The following DOCK1 variants were observed in gnomAD, a reference collection of about 807,000 sequenced individuals.
The protein encoded by DOCK1 is dedicator of cytokinesis 1, also known as dedicator of cytokinesis protein 1.
A neutral mutation model predicts 262.7 loss-of-function variants in DOCK1; 138 were observed. The observed-to-expected ratio is 0.53, with a 90% CI of 0.46 to 0.61. DOCK1 has a LOEUF of 0.61. DOCK1 is among the 20% of genes least tolerant of loss of function. DOCK1 has a pLI of 0.00. For missense variants in DOCK1, 1,908 were observed against 2,370.7 expected (o/e 0.80, Z 4.05); for synonymous variants, 866 against 867.4 (o/e 1.00, Z 0.03).
At chr10:127,244,109 A>G (rs1424642694) in intron 27 of DOCK1, among the ~76,000 whole-genome samples, 2 of 152,212 alleles carry the variant, frequency 1.3e-5, no homozygotes, top group Non-Finnish European at 2.9e-5. Flanking sequence ...TTGACTTGCC[A>G]AATAAAAATA....
chr10:126,927,875 A>T (rs1306472343), intron 1 of DOCK1, among the ~76,000 whole-genome samples: 1 of 152,154 alleles, frequency 6.6e-6, no homozygotes, highest in Non-Finnish European at 1.5e-5. Flanking sequence ...GTGGCTGCCT[A>T]GCAGGAAGGA....
intron 29 of DOCK1, among the ~76,000 whole-genome samples, chr10:127,322,076 A>G (rs577224666): frequency 1.3e-5 from 2 of 151,850 alleles, no homozygotes; most frequent in African/African-American, 4.8e-5. Flanking sequence ...GCACTCTAGT[A>G]TGGGAGACAG....
At chr10:127,262,115 G>GGT (rs1335837739) in intron 29 of DOCK1, among the ~76,000 whole-genome samples, 13 of 110,564 alleles carry the variant, frequency 1.2e-4, no homozygotes, top group Admixed American at 2.0e-4. Context: ...TGTGCATGTG[G>GGT]GTGTGTGTGT....
intron 7 of DOCK1, among the ~76,000 whole-genome samples, chr10:126,997,265 T>C (rs968710336): frequency 9.9e-5 from 15 of 152,214 alleles, no homozygotes; most frequent in Admixed American, 7.2e-4. Context: ...TTCTATGATC[T>C]TTAATGGTAT....
At chr10:127,169,307 G>A (rs1300510991) in intron 27 of DOCK1, among the ~76,000 whole-genome samples, 6 of 152,146 alleles carry the variant, frequency 3.9e-5, no homozygotes. Flanking sequence ...CAAAGGCTGG[G>A]CCCGAATTCC....
rs145912365 is a variant in DOCK1 at position 127,208,553 on chromosome 10, T to G, written c.2848-39455T>G. Among the ~76,000 whole-genome samples the G allele has an allele frequency of 7.5e-3, 1,137 of 152,348 alleles. 2 individuals carry two copies. The highest frequency in any genetic ancestry group is 0.014 in the Middle Eastern group (4 of 294). ...AAAATGATTATATATTAGCTTAACA[T>G]GAGTTTTTTCACTAAAATAAAAATC... On this transcript the variant is annotated intron_variant, in intron 27 of 51. Coordinates refer to ENST00000623213, the MANE Select transcript of DOCK1 (RefSeq NM_001290223.2).
chr10:127,348,155 T>A (rs2063729929), intron 31 of DOCK1, among the ~76,000 whole-genome samples: 1 of 151,522 alleles, frequency 6.6e-6, no homozygotes, highest in Non-Finnish European at 1.5e-5. Flanking sequence ...TACCACAAAA[T>A]AAATAACCCC....
At chr10:127,087,841 C>A (rs73374756) in intron 23 of DOCK1, among the ~76,000 whole-genome samples, 1 of 152,142 alleles carries the variant, frequency 6.6e-6, no homozygotes, top group South Asian at 2.1e-4. Context: ...TGGGGACTCT[C>A]ACCCTGGACT....
chr10:127,237,421 T>C (rs1044318728), intron 27 of DOCK1, among the ~76,000 whole-genome samples: 1 of 151,812 alleles, frequency 6.6e-6, no homozygotes, highest in Non-Finnish European at 1.5e-5. Flanking sequence ...GAGGGTGATG[T>C]TGGGATCCAT....
At position 127,375,830 on chromosome 10, in the gene DOCK1, C is replaced by G. The variant is rs141308292; in HGVS notation, c.3675+1616C>G. Among the ~76,000 whole-genome samples, 1,050 of 152,296 alleles carry G rather than the reference C, an allele frequency of 6.9e-3. 11 individuals carry two copies. Among genetic ancestry groups the G allele is most frequent in the Middle Eastern group, 0.027 (8 of 294 alleles). On this transcript the variant is annotated intron_variant, in intron 35 of 51. Coordinates refer to ENST00000623213, the MANE Select transcript of DOCK1 (RefSeq NM_001290223.2). The stretch of plus-strand genomic sequence containing the variant: ...AGAGCTTGCAAATTGTCACTCCTGT[C>G]CTCACAACAAGAAAAAAGCTGAACA...
At chr10:127,268,489 C>A (rs1395344722) in intron 29 of DOCK1, among the ~76,000 whole-genome samples, 1 of 110,764 alleles carries the variant, frequency 9.0e-6, no homozygotes, top group Non-Finnish European at 1.7e-5. Context: ...GGGTGACAGA[C>A]CGAGACTCCA....
chr10:127,127,585 G>C (rs2050042344), intron 26 of DOCK1, 84 bp from the exon 27 acceptor site: 1 of 1,090,450 alleles, frequency 9.2e-7, no homozygotes, highest in African/African-American at 1.5e-5. Context: ...CTCTTTACAG[G>C]GTAAATGGAT....
intron 1 of DOCK1, among the ~76,000 whole-genome samples, chr10:126,931,103 G>A (rs2034153927): frequency 6.6e-6 from 1 of 152,082 alleles, no homozygotes; most frequent in African/African-American, 2.4e-5. Flanking sequence ...ACCGAGCCAG[G>A]TCTCTGACCC....
At chr10:127,429,213 G>C (rs931437971) in intron 47 of DOCK1, among the ~76,000 whole-genome samples, 1 of 152,056 alleles carries the variant, frequency 6.6e-6, no homozygotes, top group Non-Finnish European at 1.5e-5. Context: ...ACCCCGTCTA[G>C]GGGGTGGGAG....
chr10:127,016,674 TACAC>T lies in DOCK1; in HGVS notation c.1202-2028_1202-2025del, dbSNP rs574577199. 534 of 147,310 alleles carry T rather than the reference TACAC, an allele frequency of 3.6e-3. 2 individuals are homozygous for T. Among genetic ancestry groups the T allele is most frequent in the Middle Eastern group, 0.011 (3 of 268 alleles). 9.1% of individuals were successfully genotyped at this position (147,310 alleles called of 1,614,324 possible). A position where few individuals can be genotyped will look rare whatever the true frequency, so the allele number is the denominator to read the frequency against. On this transcript the variant is annotated intron_variant, in intron 12 of 51. Transcript: ENST00000623213. Reference sequence around the variant, plus strand: ...ACATACACACACACACATGCACACATACACACACACAGATACAAATACCACAAAC... The same window carrying T: ...ACATACACACACACACATGCACACATACACACAGATACAAATACCACAAAC...
intron 47 of DOCK1, among the ~76,000 whole-genome samples, chr10:127,432,796 G>A (rs529387897): frequency 6.6e-5 from 10 of 152,292 alleles, no homozygotes; most frequent in African/African-American, 1.2e-4. Context: ...GAAAGGAAAC[G>A]TACTCTTCAT....
chr10:127,377,179 A>G lies in DOCK1; in HGVS notation c.3676-2903A>G, dbSNP rs574084728. 9.8e-5 allele frequency among the ~76,000 whole-genome samples: 15 copies of G among 152,318 alleles called. No individual in the cohort carries two copies. The South Asian group carries it at 3.1e-3, about 32-fold the overall frequency. ...CAACTGTCACAGTTTTTTCATTTAG[A>G]AAATAAATCTGTGGAATAAAGGGAA... On this transcript the variant is annotated intron_variant, in intron 35 of 51. Transcript: ENST00000623213.
At chr10:127,390,940 T>C (rs1039792268) in intron 38 of DOCK1, among the ~76,000 whole-genome samples, 1 of 152,048 alleles carries the variant, frequency 6.6e-6, no homozygotes, top group African/African-American at 2.4e-5. Flanking sequence ...CTGCTCTGAG[T>C]CAAAGACTTT....
At chr10:127,321,246 CTCT>C (rs2062509888) in intron 29 of DOCK1, among the ~76,000 whole-genome samples, 4 of 109,552 alleles carry the variant, frequency 3.7e-5, no homozygotes, top group African/African-American at 1.4e-4. Flanking sequence ...CGTCCTCCCC[CTCT>C]CTCTCCTCCC....
Sources: allele counts gnomAD v4.1 joint callset (sites outside exome capture counted in the v4.1 genomes callset), GRCh38; gene constraint gnomAD v4.1.1; transcripts MANE v1.5; gene names NCBI Gene and HGNC (gene_info 2026-07-23, HGNC 2026-07-21).